The following ARHGEF3 variants were observed in gnomAD, a reference collection of about 807,000 sequenced individuals.
ARHGEF3 encodes 59.8 kDA protein.
ARHGEF3 carries 28 observed loss-of-function variants against 63.2 expected under a neutral mutation model. That is an observed-to-expected ratio of 0.44 (90% CI 0.33 to 0.61). The LOEUF is 0.61. ARHGEF3 is among the 20% of genes least tolerant of loss of function. The pLI, the probability that ARHGEF3 is intolerant of heterozygous loss-of-function variation, is 0.03. For missense variants in ARHGEF3, 533 were observed against 659.3 expected (o/e 0.81, Z 2.10); for synonymous variants, 266 against 254.2 (o/e 1.05, Z -0.44).
intron 7 of ARHGEF3, among the ~76,000 whole-genome samples, chr3:56,742,270 A>C (rs185460549): frequency 1.3e-5 from 2 of 152,210 alleles, no homozygotes; most frequent in African/African-American, 4.8e-5. Context: ...TTAGAATTTA[A>C]AACACTAAAC....
chr3:56,783,129 T>C (rs1578500658), intron 1 of ARHGEF3, among the ~76,000 whole-genome samples: 2 of 152,178 alleles, frequency 1.3e-5, no homozygotes, highest in Admixed American at 6.5e-5. Context: ...CAGGAGCCTC[T>C]GAAACCATGC....
intron 2 of ARHGEF3, among the ~76,000 whole-genome samples, chr3:56,988,013 C>A (rs1385107785): frequency 6.6e-6 from 1 of 152,196 alleles, no homozygotes; most frequent in East Asian, 1.9e-4. Context: ...AGGGGTCAAC[C>A]TGGCTCCTCC....
At chr3:57,042,426 C>T (rs901287772) in intron 1 of ARHGEF3, among the ~76,000 whole-genome samples, 1 of 151,730 alleles carries the variant, frequency 6.6e-6, no homozygotes, top group Non-Finnish European at 1.5e-5. Context: ...AAGACTCCAG[C>T]TATATGAAGC....
intron 3 of ARHGEF3, among the ~76,000 whole-genome samples, chr3:56,952,546 G>A (rs1699860711): frequency 1.3e-5 from 2 of 152,204 alleles, no homozygotes; most frequent in Non-Finnish European, 2.9e-5. Context: ...TTACTCAGCA[G>A]TAGAATATTA....
intron 3 of ARHGEF3, among the ~76,000 whole-genome samples, chr3:56,906,315 G>A (rs1264955320): frequency 6.6e-6 from 1 of 152,214 alleles, no homozygotes. Context: ...AGACGGAGCA[G>A]ATAGAAAACA....
intron 4 of ARHGEF3, among the ~76,000 whole-genome samples, chr3:56,879,863 C>A (rs920904535): frequency 1.3e-5 from 2 of 152,172 alleles, no homozygotes; most frequent in Admixed American, 6.5e-5. Context: ...CCATTGTTGC[C>A]TTTATGGCAA....
At chr3:57,000,403 C>T (rs1485974720) in intron 2 of ARHGEF3, among the ~76,000 whole-genome samples, 1 of 151,942 alleles carries the variant, frequency 6.6e-6, no homozygotes, top group Non-Finnish European at 1.5e-5. Flanking sequence ...ACAACTGATG[C>T]TCACTGTACA....
intron 1 of ARHGEF3, among the ~76,000 whole-genome samples, 188 bp from the exon 2 acceptor site, chr3:56,774,004 G>A (rs763475654): frequency 6.6e-5 from 10 of 152,178 alleles, no homozygotes; most frequent in Non-Finnish European, 1.0e-4. Context: ...AGGAGAAATG[G>A]CAGGCAGGGG....
intron 4 of ARHGEF3, among the ~76,000 whole-genome samples, chr3:56,854,728 C>CAACAGATA (rs951272644): frequency 7.2e-5 from 9 of 125,330 alleles, no homozygotes; most frequent in Admixed American, 1.2e-4. Context: ...CTGGCTTTGG[C>CAACAGATA]AACAGATAGG....
chr3:56,753,481 G>A (rs763755276), intron 4 of ARHGEF3, 23 bp downstream of exon 4: 8 of 1,609,106 alleles, frequency 5.0e-6, no homozygotes, highest in Middle Eastern at 3.3e-4. Context: ...CTTGACTCAA[G>A]TGACTGCTGG....
At chr3:57,024,467 T>G (rs1321343436) in intron 2 of ARHGEF3, among the ~76,000 whole-genome samples, 1 of 152,036 alleles carries the variant, frequency 6.6e-6, no homozygotes, top group East Asian at 1.9e-4. Context: ...AAAATCCACT[T>G]TGTGTAGGGT....
At chr3:57,002,580 T>C (rs1419365881) in intron 2 of ARHGEF3, among the ~76,000 whole-genome samples, 8 of 143,812 alleles carry the variant, frequency 5.6e-5, no homozygotes, top group East Asian at 2.0e-4. Context: ...ATGTTATATG[T>C]GTTATATATA....
intron 3 of ARHGEF3, among the ~76,000 whole-genome samples, chr3:56,887,783 G>A (rs1226088130): frequency 1.3e-5 from 2 of 152,184 alleles, no homozygotes; most frequent in African/African-American, 4.8e-5. Context: ...AAGCACCTTC[G>A]GTGAGCCCAA....
chr3:57,057,025 C>A (rs1470768514), intron 1 of ARHGEF3, among the ~76,000 whole-genome samples: 1 of 152,078 alleles, frequency 6.6e-6, no homozygotes, highest in African/African-American at 2.4e-5. Flanking sequence ...ACTCCACCTG[C>A]CCCCTTGGTA....
intron 2 of ARHGEF3, among the ~76,000 whole-genome samples, chr3:56,768,988 C>T (rs544183662): frequency 2.0e-5 from 3 of 152,280 alleles, no homozygotes; most frequent in South Asian, 2.1e-4. Flanking sequence ...GAGCTCTGCA[C>T]CTATGCCTAG....
intron 3 of ARHGEF3, among the ~76,000 whole-genome samples, chr3:56,888,541 T>C (rs1053351249): frequency 2.0e-5 from 3 of 152,292 alleles, no homozygotes; most frequent in South Asian, 2.1e-4. Flanking sequence ...CTGCAGGTTA[T>C]ATATTTGCTA....
At chr3:56,977,934 C>G (rs1048879168) in intron 2 of ARHGEF3, among the ~76,000 whole-genome samples, 3 of 152,126 alleles carry the variant, frequency 2.0e-5, no homozygotes, top group Non-Finnish European at 4.4e-5. Flanking sequence ...GTCAAAAGAG[C>G]AGAAGCCCCT....
At chr3:56,938,157 C>T (rs1698991693) in intron 3 of ARHGEF3, among the ~76,000 whole-genome samples, 1 of 152,168 alleles carries the variant, frequency 6.6e-6, no homozygotes, top group African/African-American at 2.4e-5. Context: ...TTGGCAGTAA[C>T]AGTCATGCAC....
intron 4 of ARHGEF3, among the ~76,000 whole-genome samples, chr3:56,819,941 C>G (rs1219916706): frequency 6.6e-6 from 1 of 151,980 alleles, no homozygotes; most frequent in Admixed American, 6.6e-5. Flanking sequence ...TCCCAAGTAG[C>G]TGGGACTACA....
Sources: allele counts gnomAD v4.1 joint callset (sites outside exome capture counted in the v4.1 genomes callset), GRCh38; gene constraint gnomAD v4.1.1; transcripts MANE v1.5; gene names NCBI Gene and HGNC (gene_info 2026-07-23, HGNC 2026-07-21).